Variants in TNFRSF8 observed in about 807,000 individuals in gnomAD.
TNFRSF8 encodes the protein tumor necrosis factor receptor superfamily member 8.
In TNFRSF8, 26 loss-of-function variants were observed where a neutral mutation model predicts 70.8. That is an observed-to-expected ratio of 0.37 (90% CI 0.27 to 0.51). The LOEUF (loss-of-function observed/expected upper bound fraction) is 0.51. Among genes scored for constraint, TNFRSF8 ranks in the 20% least tolerant of loss-of-function variants. The pLI is 0.94. For missense variants in TNFRSF8, 720 were observed against 807.9 expected (o/e 0.89, Z 1.32); for synonymous variants, 356 against 339.2 (o/e 1.05, Z -0.54).
At position 12,112,052 on chromosome 1, in the gene TNFRSF8, C is replaced by T. The variant is rs866457885; in HGVS notation, c.793+38C>T. 2 of 1,523,218 alleles carry T rather than the reference C, an allele frequency of 1.3e-6. No homozygotes were observed. The highest frequency in any genetic ancestry group is 1.8e-5 in the Admixed American group (1 of 55,942). The allele number at this position is 1,523,218 out of a possible 1,614,324, so 94.4% of individuals were successfully genotyped here. A position where few individuals can be genotyped will look rare whatever the true frequency, so the allele number is the denominator to read the frequency against. On this transcript the variant is annotated intron_variant, in intron 7 of 14. Coordinates refer to ENST00000263932, the MANE Select transcript of TNFRSF8 (RefSeq NM_001243.5). This position sits in a 1 kb window ranked among gnomAD's most constrained non-coding sequence, Gnocchi z 5.3. ...TCCCTCCCCGGGCCTCAGTTTACCT[C>T]TCTGCATTTTTGAACCGTGAACTTC...
In TNFRSF8 at chr1:12,115,647, C is replaced by G. The variant is rs533782066; in HGVS notation, c.864C>G (p.Ile288Met). Reference sequence around the variant, plus strand: ...CCTGCGAATGTCGACCTGGCATGATCTGTGCCACATCAGCCACCAACTCCT... The same window carrying G: ...CCTGCGAATGTCGACCTGGCATGATGTGTGCCACATCAGCCACCAACTCCT... ...SRTCECRPGMICATSATNSCA... is the reference protein window; with the variant it reads ...SRTCECRPGMMCATSATNSCA... The change falls in exon 8 of 15, where the codon ATC (isoleucine) becomes ATG (methionine). Residue 288 changes from isoleucine to methionine, a missense_variant. Coordinates refer to ENST00000263932, the MANE Select transcript of TNFRSF8 (RefSeq NM_001243.5). 9.3e-6 allele frequency: 15 copies of G among 1,614,210 alleles called. No homozygotes were observed. The highest frequency in any genetic ancestry group is 4.5e-5 in the East Asian group (2 of 44,884).
chr1:12,137,076 T>G (rs777847063), intron 13 of TNFRSF8, among the ~76,000 whole-genome samples: 5 of 151,972 alleles, frequency 3.3e-5, no homozygotes, highest in Non-Finnish European at 7.4e-5. Context: ...TACTTGAGAT[T>G]AGGGAGTGGT....
Position 12,138,366 on chromosome 1 carries a change from CG to C in TNFRSF8, c.1478del (p.Gly493AlafsTer28). ...TGCCGCTGCAGGATGCCAGCCCGGC[CG>C]GGGGCCCCTCGTCCCCCAGGGACCT... ...SLPLQDASPA[G>X]GPSSPRDLPE... On this transcript the variant is annotated frameshift_variant, in exon 14 of 15. Transcript: ENST00000263932. LOFTEE classifies it high-confidence loss of function. The surrounding 1 kb of genome is among the most constrained non-coding windows in gnomAD (Gnocchi z 5.7). The C allele has an allele frequency of 6.2e-7, 1 of 1,613,648 alleles. No individual in the cohort carries two copies. Among genetic ancestry groups the C allele is most frequent in the Non-Finnish European group, 8.5e-7 (1 of 1,179,890 alleles).
intron 7 of TNFRSF8, among the ~76,000 whole-genome samples, chr1:12,114,694 C>CTTTTTTT (rs542462017): frequency 6.5e-5 from 5 of 77,044 alleles, no homozygotes; most frequent in Admixed American, 2.0e-4. Flanking sequence ...GAAAAAAAAT[C>CTTTTTTT]TTTTTTTTTT....
Position 12,142,736 on chromosome 1 carries a change from G to A in TNFRSF8, c.*205G>A. The A allele has an allele frequency of 1.6e-6, 1 of 642,802 alleles. No homozygotes were observed. Among genetic ancestry groups the A allele is most frequent in the East Asian group, 2.8e-5 (1 of 35,706 alleles). 39.8% of individuals were successfully genotyped at this position (642,802 alleles called of 1,614,324 possible). A position where few individuals can be genotyped will look rare whatever the true frequency, so the allele number is the denominator to read the frequency against. ...TAGCTGTCCCCTGACCCAGAGCCTAGGGGATCCGGGGCTTGTACAGAAGAG... is the reference window on the plus strand; with the variant it reads ...TAGCTGTCCCCTGACCCAGAGCCTAAGGGATCCGGGGCTTGTACAGAAGAG... On this transcript the variant is annotated 3_prime_UTR_variant, in exon 15 of 15. Coordinates refer to ENST00000263932, the MANE Select transcript of TNFRSF8 (RefSeq NM_001243.5). The surrounding 1 kb of genome is among the most constrained non-coding windows in gnomAD (Gnocchi z 5.0).
chr1:12,093,554 TC>T (rs1393272352), intron 2 of TNFRSF8, among the ~76,000 whole-genome samples: 2 of 152,104 alleles, frequency 1.3e-5, no homozygotes, highest in African/African-American at 4.8e-5. Context: ...CTTTTTTTTT[TC>T]CTTGAGACAG....
At chr1:12,094,389 G>A (rs1344346902) in intron 2 of TNFRSF8, among the ~76,000 whole-genome samples, 1 of 152,166 alleles carries the variant, frequency 6.6e-6, no homozygotes, top group African/African-American at 2.4e-5. Context: ...GCAGAAGGGA[G>A]CATTGCCCCT....
intron 4 of TNFRSF8, among the ~76,000 whole-genome samples, chr1:12,105,573 T>TCACACACACA (rs34007480): frequency 3.9e-4 from 57 of 147,462 alleles, no homozygotes; most frequent in African/African-American, 9.0e-4. Context: ...TCTCTCTGTC[T>TCACACACACA]CACACACACA....
chr1:12,128,508 A>G (rs980391906), intron 12 of TNFRSF8, among the ~76,000 whole-genome samples: 1 of 152,232 alleles, frequency 6.6e-6, no homozygotes, highest in Non-Finnish European at 1.5e-5. Flanking sequence ...CCTGTGAGGT[A>G]CTTACTGTTA....
At chr1:12,127,143 C>T (rs1246272881) in intron 12 of TNFRSF8, among the ~76,000 whole-genome samples, 1 of 152,240 alleles carries the variant, frequency 6.6e-6, no homozygotes, top group East Asian at 1.9e-4. Flanking sequence ...TGCCAAGCAC[C>T]TTCTCTCTCC....
rs1421383558 is a variant in TNFRSF8, at chr1:12,142,459, C to T, written c.1716C>T (p.Cys572=). 1.2e-6 allele frequency: 2 copies of T among 1,611,462 alleles called. No individual in the cohort carries two copies. The highest frequency in any genetic ancestry group is 1.7e-5 in the Admixed American group (1 of 59,630). ...AGACAGAACCGCCTCTGGGCAGCTG[C>T]AGCGATGTCATGCTCTCAGTGGAAG... ...EQETEPPLGS[C]SDVMLSVEEE... is the part of the protein sequence containing the mutation. The change falls in exon 15 of 15, where the codon TGC becomes TGT. Residue 572 remains cysteine, a synonymous_variant. Coordinates refer to ENST00000263932, the MANE Select transcript of TNFRSF8 (RefSeq NM_001243.5). The surrounding 1 kb of genome is among the most constrained non-coding windows in gnomAD (Gnocchi z 5.0).
intron 2 of TNFRSF8, among the ~76,000 whole-genome samples, chr1:12,087,918 G>A (rs1641183221): frequency 6.6e-6 from 1 of 152,102 alleles, no homozygotes; most frequent in Admixed American, 6.5e-5. Flanking sequence ...TTGGTGTGGT[G>A]GGTGGGGCAT....
intron 1 of TNFRSF8, among the ~76,000 whole-genome samples, chr1:12,068,696 A>G (rs899154945): frequency 2.0e-4 from 31 of 152,218 alleles, no homozygotes; most frequent in African/African-American, 7.2e-4. Flanking sequence ...CATCCAGCAG[A>G]TCTGAAATGA....
chr1:12,142,666 C>T lies in TNFRSF8; in HGVS notation c.*135C>T, dbSNP rs1488188552. 4 of 1,232,766 alleles carry T rather than the reference C, an allele frequency of 3.2e-6. No homozygotes were observed. In the East Asian group the frequency reaches 1.0e-4, roughly 32 times the overall value. The allele number at this position is 1,232,766 out of a possible 1,614,324, so 76.4% of individuals were successfully genotyped here. On this transcript the variant is annotated 3_prime_UTR_variant, in exon 15 of 15. Coordinates refer to ENST00000263932, the MANE Select transcript of TNFRSF8 (RefSeq NM_001243.5). The surrounding 1 kb of genome is among the most constrained non-coding windows in gnomAD (Gnocchi z 5.0). The stretch of plus-strand genomic sequence containing the variant: ...GCTCCAGCATCTAGTGGTGGACCGG[C>T]CGGTCACTGCAGGGGTCTGGTGGTC...
chr1:12,126,475 C>T (rs1641943035), intron 12 of TNFRSF8, among the ~76,000 whole-genome samples: 1 of 152,200 alleles, frequency 6.6e-6, no homozygotes, highest in African/African-American at 2.4e-5. Context: ...TTGCCCAGAG[C>T]AGCACCTGGA....
Position 12,109,461 on chromosome 1 carries a change from C to T in TNFRSF8, c.422-105C>T. On this transcript the variant is annotated intron_variant, in intron 4 of 14. Coordinates refer to ENST00000263932, the MANE Select transcript of TNFRSF8 (RefSeq NM_001243.5). The surrounding 1 kb of genome is among the most constrained non-coding windows in gnomAD (Gnocchi z 4.4). ...CACCTCCAGATGACTGCTGTGTTTT[C>T]CAAGGGCCCCATCTCCGACTCTGGC... The T allele has an allele frequency of 1.1e-6, 1 of 893,962 alleles. No homozygotes were observed. The highest frequency in any genetic ancestry group is 1.7e-6 in the Non-Finnish European group (1 of 580,450). The allele number at this position is 893,962 out of a possible 1,614,324, so 55.4% of individuals were successfully genotyped here. A position where few individuals can be genotyped will look rare whatever the true frequency, so the allele number is the denominator to read the frequency against.
At position 12,112,044 on chromosome 1, in the gene TNFRSF8, G is replaced by A. The variant is rs376920395; in HGVS notation, c.793+30G>A. 1.2e-5 allele frequency: 18 copies of A among 1,553,174 alleles called. No homozygotes were observed. Among genetic ancestry groups the A allele is most frequent in the African/African-American group, 2.7e-5 (2 of 73,320 alleles). ...GGGCCTCGTCCCTCCCCGGGCCTCA[G>A]TTTACCTCTCTGCATTTTTGAACCG... On this transcript the variant is annotated intron_variant, in intron 7 of 14. Transcript: ENST00000263932. This position sits in a 1 kb window ranked among gnomAD's most constrained non-coding sequence, Gnocchi z 5.3.
intron 1 of TNFRSF8, among the ~76,000 whole-genome samples, chr1:12,071,543 T>A (rs1166720329): frequency 1.3e-5 from 2 of 152,176 alleles, no homozygotes; most frequent in Non-Finnish European, 2.9e-5. Flanking sequence ...AAGCTGCCTG[T>A]GTTCCTTGGT....
chr1:12,124,172 A>AT (rs1350096543), intron 10 of TNFRSF8, among the ~76,000 whole-genome samples: 9 of 151,446 alleles, frequency 5.9e-5, no homozygotes, highest in Admixed American at 5.3e-4. Context: ...GCCTGGCTAA[A>AT]TTTTTTTTTA....
Sources: allele counts gnomAD v4.1 joint callset (sites outside exome capture counted in the v4.1 genomes callset), GRCh38; gene constraint gnomAD v4.1.1; non-coding constraint Gnocchi (gnomAD v3.1); transcripts MANE v1.5; gene names NCBI Gene and HGNC (gene_info 2026-07-23, HGNC 2026-07-21).